UPF2: variants seen among roughly 807,000 people sequenced by gnomAD.
UPF2 encodes the protein regulator of nonsense transcripts 2.
In UPF2, 17 loss-of-function variants were observed where a neutral mutation model predicts 141.4. The observed-to-expected ratio is 0.12, with a 90% confidence interval of 0.08 to 0.18. The LOEUF is 0.18. Ranked by LOEUF, UPF2 falls within the 10% of genes least tolerant of loss-of-function variation. The pLI is 1.00. For missense variants in UPF2, 1,152 were observed against 1,515.9 expected (o/e 0.76, Z 3.99); for synonymous variants, 540 against 498.0 (o/e 1.08, Z -1.12).
At position 11,935,785 on chromosome 10, in the gene UPF2, C is replaced by T. The variant is rs1160504988; in HGVS notation, c.3546+760G>A. On this transcript the variant is annotated intron_variant, in intron 19 of 21. Coordinates refer to ENST00000357604, the MANE Select transcript of UPF2 (RefSeq NM_015542.4). The surrounding 1 kb of genome is among the most constrained non-coding windows in gnomAD (Gnocchi z 4.9). ...ACCTGAAATAGAATAGTACCTGGCA[C>T]GTAGTGATGCTCAATAGTTGACAAA... Among the ~76,000 whole-genome samples the T allele has an allele frequency of 1.3e-5, 2 of 152,002 alleles. No homozygotes were observed. Among genetic ancestry groups the T allele is most frequent in the Non-Finnish European group, 2.9e-5 (2 of 68,018 alleles).
intron 2 of UPF2, among the ~76,000 whole-genome samples, chr10:12,033,584 C>T (rs1032481543): frequency 1.3e-5 from 2 of 151,710 alleles, no homozygotes; most frequent in African/African-American, 4.9e-5. Context: ...TAAGACAGTA[C>T]CAATGAAGTT....
intron 4 of UPF2, among the ~76,000 whole-genome samples, chr10:12,011,483 A>T (rs1834126694): frequency 6.6e-6 from 1 of 152,024 alleles, no homozygotes; most frequent in African/African-American, 2.4e-5. Context: ...CTGTAGTCCC[A>T]GTTATTGCTT....
chr10:12,028,134 G>T (rs1037926721), intron 3 of UPF2, among the ~76,000 whole-genome samples: 2 of 152,038 alleles, frequency 1.3e-5, no homozygotes, highest in Non-Finnish European at 2.9e-5. Flanking sequence ...CCCAAAGTCA[G>T]GTCTTTTCAC....
intron 8 of UPF2, among the ~76,000 whole-genome samples, chr10:11,988,596 G>C (rs899926166): frequency 2.0e-5 from 3 of 152,186 alleles, no homozygotes; most frequent in Non-Finnish European, 4.4e-5. Context: ...GGAGGAAGGA[G>C]CATGCCAGGG....
In UPF2 at chr10:11,990,079, G is replaced by C. The variant is rs1020836332; in HGVS notation, c.1844+7593C>G. Among the ~76,000 whole-genome samples, 6 of 152,168 alleles carry C rather than the reference G, an allele frequency of 3.9e-5. 1 individual carries two copies. The highest frequency in any genetic ancestry group is 3.9e-4 in the Admixed American group (6 of 15,278). ...AGAAAACATGAACTTCGAAAAAAAA[G>C]TCTGGCTGAAGCCACCCAATCTGTC... On this transcript the variant is annotated intron_variant, in intron 8 of 21. Transcript: ENST00000357604.
chr10:12,029,443 T>G lies in UPF2; in HGVS notation c.447A>C (p.Gln149His). Residue 149 changes from glutamine (Q) to histidine (H), a missense_variant, in exon 3 of 22, where the codon CAA becomes CAC. Gln to His is a conservative substitution (Grantham distance 24). Around this residue, in one of 4 missense-constraint regions of UPF2, gnomAD observed 739 missense variants for 1,032.2 expected, o/e 0.72. Transcript: ENST00000357604. Reference sequence around the variant, plus strand: ...CCTCTGGTCGGCTGTCCGGAGCATTTTGGTTTTTGCTACGAAGTTCCTTTC... The same window carrying G: ...CCTCTGGTCGGCTGTCCGGAGCATTGTGGTTTTTGCTACGAAGTTCCTTTC... ...HLRKELRSKN[Q>H]NAPDSRPEEN... is the part of the protein sequence containing the mutation. 3 of 1,613,718 alleles carry G rather than the reference T, an allele frequency of 1.9e-6. No individual in the cohort carries two copies. The highest frequency in any genetic ancestry group is 1.7e-6 in the Non-Finnish European group (2 of 1,179,960).
At chr10:12,035,464 G>A (rs1834608895) in intron 1 of UPF2, 23 bp from the exon 2 acceptor site, 1 of 1,493,300 alleles carries the variant, frequency 6.7e-7, no homozygotes, top group African/African-American at 1.4e-5. Context: ...AAGAATGTCA[G>A]TACCATAGAT....
At position 12,042,629 on chromosome 10, in the gene UPF2, C is replaced by A. The variant is rs909151972; in HGVS notation, c.-19+126G>T. 4 of 152,382 alleles carry A rather than the reference C, an allele frequency of 2.6e-5. No homozygotes were observed. Among genetic ancestry groups the A allele is most frequent in the Admixed American group, 6.5e-5 (1 of 15,274 alleles). The allele number at this position is 152,382 out of a possible 1,614,324, so 9.4% of individuals were successfully genotyped here. A position where few individuals can be genotyped will look rare whatever the true frequency, so the allele number is the denominator to read the frequency against. On this transcript the variant is annotated intron_variant, in intron 1 of 21. Transcript: ENST00000357604. This position sits in a 1 kb window ranked among gnomAD's most constrained non-coding sequence, Gnocchi z 5.5. ...GCGGTCCCTCCACTGCTCGCCGACC[C>A]CGGAGAGCTGGAGTGTGGAGTCGCC...
rs1026595787 is a variant in UPF2 at position 11,944,603 on chromosome 10, T to C, written c.3175-1435A>G. ...AATTAAATTTGCAATAGAGGTACTC[T>C]TAAATTTGCTCTTGAAAAAATGAAT... On this transcript the variant is annotated intron_variant, in intron 16 of 21. Transcript: ENST00000357604. Among the ~76,000 whole-genome samples the C allele has an allele frequency of 2.6e-5, 4 of 152,214 alleles. No individual in the cohort carries two copies. In the South Asian group the frequency reaches 6.2e-4, roughly 24 times the overall value.
intron 20 of UPF2, 45 bp from the exon 21 acceptor site, chr10:11,930,030 A>G (rs775364977): frequency 6.2e-7 from 1 of 1,613,374 alleles, no homozygotes; most frequent in Non-Finnish European, 8.5e-7. Context: ...ACTCTTAGAA[A>G]TGTACTCCTC....
At chr10:11,922,014 A>G (rs11257428) in intron 21 of UPF2, among the ~76,000 whole-genome samples, 10,543 of 152,194 alleles carry the variant, frequency 0.069, 590 homozygotes, top group East Asian at 0.25. Flanking sequence ...CTGCATCTCT[A>G]TAAAAAGGGA....
chr10:12,005,957 G>A (rs917520582), intron 4 of UPF2, among the ~76,000 whole-genome samples: 1 of 152,106 alleles, frequency 6.6e-6, no homozygotes, highest in Non-Finnish European at 1.5e-5. Flanking sequence ...ATAGCTTACT[G>A]TAGCCTCGAA....
intron 8 of UPF2, among the ~76,000 whole-genome samples, chr10:11,993,760 G>C (rs953048722): frequency 6.6e-6 from 1 of 151,946 alleles, no homozygotes; most frequent in Non-Finnish European, 1.5e-5. Flanking sequence ...AGCTGCTTGA[G>C]CCCAGGAGTT....
In UPF2 at chr10:11,943,097, G is replaced by A. The variant is rs1470304075; in HGVS notation, c.3246C>T (p.Ser1082=). The part of the protein sequence containing the change: ...EEENTDYLTD[S]NKENETDEEN... ...CTTCATCGGTTTCATTTTCCTTATTGGAATCTGTAAGGTAATCTGTATTCT... is the reference window on the plus strand; with the variant it reads ...CTTCATCGGTTTCATTTTCCTTATTAGAATCTGTAAGGTAATCTGTATTCT... The change falls in exon 17 of 22, where the codon TCC becomes TCT. Residue 1082 remains serine, a synonymous_variant. Coordinates refer to ENST00000357604, the MANE Select transcript of UPF2 (RefSeq NM_015542.4). 6.2e-7 allele frequency: 1 copy of A among 1,611,984 alleles called. No homozygotes were observed. The highest frequency in any genetic ancestry group is 8.5e-7 in the Non-Finnish European group (1 of 1,179,380).
At chr10:12,033,328 G>T (rs1311705196) in intron 2 of UPF2, among the ~76,000 whole-genome samples, 2 of 152,130 alleles carry the variant, frequency 1.3e-5, no homozygotes, top group Non-Finnish European at 2.9e-5. Context: ...TTGAGTCCAA[G>T]AGTTCAAGAC....
intron 5 of UPF2, among the ~76,000 whole-genome samples, chr10:12,003,016 TG>T (rs1373452331): frequency 3.6e-4 from 55 of 152,338 alleles, no homozygotes; most frequent in African/African-American, 1.3e-3. Context: ...ATATCTTATT[TG>T]GGAGGATGAA....
At chr10:12,017,971 A>G (rs1834253517) in intron 3 of UPF2, among the ~76,000 whole-genome samples, 1 of 152,168 alleles carries the variant, frequency 6.6e-6, no homozygotes, top group African/African-American at 2.4e-5. Context: ...GGTTAGCAGG[A>G]CAGAATGCCA....
chr10:11,987,187 C>A lies in UPF2; in HGVS notation c.1845-8022G>T, dbSNP rs1420337354. Among the ~76,000 whole-genome samples, 4 of 152,120 alleles carry A rather than the reference C, an allele frequency of 2.6e-5. No individual in the cohort carries two copies. In the East Asian group the frequency reaches 5.8e-4, roughly 22 times the overall value. ...CATATGTATACTTTAGATATAAACA[C>A]CTCAGGAAGAAGAGTTAGTGGAGGC... On this transcript the variant is annotated intron_variant, in intron 8 of 21. Coordinates refer to ENST00000357604, the MANE Select transcript of UPF2 (RefSeq NM_015542.4).
chr10:11,988,297 T>C (rs917194050), intron 8 of UPF2, among the ~76,000 whole-genome samples: 4 of 152,206 alleles, frequency 2.6e-5, no homozygotes, highest in Non-Finnish European at 5.9e-5. Flanking sequence ...ATAGTTGTTA[T>C]GCTGTGTTTA....
Sources: allele counts gnomAD v4.1 joint callset (sites outside exome capture counted in the v4.1 genomes callset), GRCh38; gene constraint gnomAD v4.1.1; regional missense constraint gnomAD v4.1.1; non-coding constraint Gnocchi (gnomAD v3.1); transcripts MANE v1.5; gene names NCBI Gene and HGNC (gene_info 2026-07-23, HGNC 2026-07-21).